DPP6: variants seen among roughly 807,000 people sequenced by gnomAD.
The protein encoded by DPP6 is dipeptidyl peptidase like 6, also known as A-type potassium channel modulatory protein DPP6.
A neutral mutation model predicts 122.6 loss-of-function variants in DPP6; 69 were observed. The observed-to-expected ratio is 0.56, with a 90% CI of 0.46 to 0.69. The LOEUF (loss-of-function observed/expected upper bound fraction) is 0.69, where lower values mean the gene tolerates loss of function less well. Ranked by LOEUF, DPP6 falls within the 30% of genes least tolerant of loss-of-function variation. The probability of loss-of-function intolerance (pLI) is 0.00; values close to 1 mark genes in which losing one functional copy is unlikely to be tolerated. For synonymous variants in DPP6, 418 were observed against 433.1 expected, an observed-to-expected ratio of 0.97 and a Z score of 0.43; for missense variants, 928 against 1,116.9, an observed-to-expected ratio of 0.83 and a Z score of 2.41.
intron 3 of DPP6, among the ~76,000 whole-genome samples, chr7:154,519,394 C>T (rs902550814): frequency 1.3e-5 from 2 of 152,212 alleles, no homozygotes; most frequent in Non-Finnish European, 2.9e-5. Context: ...GGCAGACACA[C>T]GCTACCAGGA....
At chr7:154,880,777 A>T in intron 20 of DPP6, 111 bp from the exon 21 acceptor site, 4 of 1,575,358 alleles carry the variant, frequency 2.5e-6, no homozygotes, top group Non-Finnish European at 2.6e-6. Flanking sequence ...TTTTTATTTG[A>T]AGAGGGGTTT....
At chr7:153,796,693 C>T in the DPP6 span, among the ~76,000 whole-genome samples, 1 of 152,150 alleles carries the variant, frequency 6.6e-6, no homozygotes, top group Non-Finnish European at 1.5e-5. Context: ...GGCCTAGAGA[C>T]TGAGTTCAAT....
chr7:154,863,433 G>A lies in DPP6; in HGVS notation c.1715-4562G>A, dbSNP rs1015742399. Among the ~76,000 whole-genome samples, 1 of 147,988 alleles carries A rather than the reference G, an allele frequency of 6.8e-6. No individual in the cohort carries two copies. Among genetic ancestry groups the A allele is most frequent in the Non-Finnish European group, 1.5e-5 (1 of 67,064 alleles). ...TCACAGCTCAAGCTATCCTCCCACT[G>A]CAGCCTCGACCTCCAGAGCTCAAGC... On this transcript the variant is annotated intron_variant, in intron 17 of 25. Coordinates refer to ENST00000377770, the MANE Select transcript of DPP6 (RefSeq NM_130797.4). This position sits in a 1 kb window ranked among gnomAD's most constrained non-coding sequence, Gnocchi z 4.1.
At chr7:154,201,590 C>T (rs1395462448) in intron 1 of DPP6, among the ~76,000 whole-genome samples, 5 of 152,186 alleles carry the variant, frequency 3.3e-5, no homozygotes, top group Admixed American at 3.3e-4. Flanking sequence ...AGTATTGGGG[C>T]AGCAGGTCCC....
Position 154,446,282 on chromosome 7 carries a change from G to C in DPP6, c.312G>C (p.Leu104=). 1 of 1,612,272 alleles carries C rather than the reference G, an allele frequency of 6.2e-7. No individual in the cohort carries two copies. Residue 104 remains leucine (L), a synonymous_variant, in exon 2 of 26, where the codon CTG becomes CTC. Transcript: ENST00000377770. ...KGIAIALLVI[L]VICSLIVTSV... is the part of the protein sequence containing the mutation. ...TAGCAATTGCACTGCTTGTCATTCT[G>C]GTCATCTGCTCCTTGATCGTCACCT...
At chr7:153,900,534 CAA>C (rs1200553075) in intron 1 of DPP6, among the ~76,000 whole-genome samples, 1 of 152,042 alleles carries the variant, frequency 6.6e-6, no homozygotes, top group Non-Finnish European at 1.5e-5. Flanking sequence ...ATAGAGGGAA[CAA>C]GAGAGAGAGG....
chr7:154,491,074 A>C (rs73729307), intron 3 of DPP6, among the ~76,000 whole-genome samples: 8,670 of 152,270 alleles, frequency 0.057, 812 homozygotes, highest in African/African-American at 0.19. Context: ...AGAGGGGTGC[A>C]TGGCAACAAA....
intron 1 of DPP6, among the ~76,000 whole-genome samples, chr7:154,171,870 A>T (rs1797548970): frequency 6.6e-6 from 1 of 152,148 alleles, no homozygotes; most frequent in Non-Finnish European, 1.5e-5. Context: ...ACCGAATATC[A>T]TTCCTGATTG....
At chr7:153,848,394 C>T in the DPP6 span, among the ~76,000 whole-genome samples, 5 of 151,964 alleles carry the variant, frequency 3.3e-5, no homozygotes, top group African/African-American at 1.2e-4. Flanking sequence ...GTTATCTGCT[C>T]TTAGAGAATT....
chr7:154,783,206 G>T (rs191827971), intron 10 of DPP6, among the ~76,000 whole-genome samples: 44 of 152,254 alleles, frequency 2.9e-4, no homozygotes. Context: ...TTGCCACAAA[G>T]GCCTCGCATC....
chr7:154,262,648 T>C (rs1207724010), intron 1 of DPP6, among the ~76,000 whole-genome samples: 1 of 107,084 alleles, frequency 9.3e-6, no homozygotes, highest in Middle Eastern at 5.6e-3. Context: ...AAGTGTCAAA[T>C]GAAGTTCAAA....
Position 154,420,650 on chromosome 7 carries a change from C to A in DPP6, c.244-25564C>A, listed in dbSNP as rs751318478. The stretch of plus-strand genomic sequence containing the variant: ...GGAGATCTATTGCACGGCATGGTAA[C>A]TATAGTTAATAATAATGTGTATTTC... On this transcript the variant is annotated intron_variant, in intron 1 of 25. Transcript: ENST00000377770. Among the ~76,000 whole-genome samples the A allele has an allele frequency of 5.7e-4, 86 of 152,144 alleles. 1 individual carries two copies. The Middle Eastern group carries it at 0.01, about 18-fold the overall frequency.
intron 1 of DPP6, among the ~76,000 whole-genome samples, chr7:154,400,133 T>C (rs1278544336): frequency 6.6e-6 from 1 of 152,076 alleles, no homozygotes; most frequent in Non-Finnish European, 1.5e-5. Context: ...AGGGAGCAGT[T>C]TGTCTGTGCA....
intron 1 of DPP6, among the ~76,000 whole-genome samples, chr7:154,277,918 T>C (rs1585810184): frequency 6.6e-6 from 1 of 152,188 alleles, no homozygotes; most frequent in East Asian, 1.9e-4. Context: ...GCTGAAACTC[T>C]CCCCAGTGAG....
At chr7:154,534,992 G>C (rs1206404688) in intron 3 of DPP6, among the ~76,000 whole-genome samples, 12 of 152,056 alleles carry the variant, frequency 7.9e-5, no homozygotes, top group Non-Finnish European at 1.2e-4. Flanking sequence ...AATCAACACA[G>C]TGTGGCATTG....
chr7:154,514,473 C>T (rs946816134), intron 3 of DPP6, among the ~76,000 whole-genome samples: 2 of 152,000 alleles, frequency 1.3e-5, no homozygotes, highest in African/African-American at 4.8e-5. Flanking sequence ...TCGCTATGCA[C>T]CCATCTCCTC....
chr7:154,514,184 G>A (rs1220996969), intron 3 of DPP6, among the ~76,000 whole-genome samples: 1 of 152,042 alleles, frequency 6.6e-6, no homozygotes, highest in Non-Finnish European at 1.5e-5. Context: ...GCTGAGGCAG[G>A]AAAATCCCTT....
chr7:154,785,236 A>T lies in DPP6; in HGVS notation c.1137-8843A>T, dbSNP rs1455956140. ...AATATGGAAGAGTCTATAGTGAAAA[A>T]CAACAGTCTCTTCCCTCTCCTTCTA... On this transcript the variant is annotated intron_variant, in intron 10 of 25. Transcript: ENST00000377770. 2.6e-5 allele frequency among the ~76,000 whole-genome samples: 4 copies of T among 152,214 alleles called. No homozygotes were observed. In the East Asian group the frequency reaches 7.7e-4, roughly 29 times the overall value.
chr7:154,517,246 T>C (rs1255337771), intron 3 of DPP6, among the ~76,000 whole-genome samples: 1 of 152,152 alleles, frequency 6.6e-6, no homozygotes, highest in Non-Finnish European at 1.5e-5. Context: ...GTGATTCCAT[T>C]CAAGGGAAAG....
Sources: gnomAD v4.1 joint callset for allele counts (sites outside exome capture counted in the v4.1 genomes callset) on GRCh38, gnomAD v4.1.1 for gene constraint, Gnocchi (gnomAD v3.1) non-coding constraint, MANE v1.5 for transcripts, NCBI Gene and HGNC (gene_info 2026-07-23, HGNC 2026-07-21) for gene names.